Variants in DIPK2A observed in about 807,000 individuals in gnomAD.
DIPK2A encodes the protein Golgi Protein of 49 kDa.
In DIPK2A, 27 loss-of-function variants were observed where a neutral mutation model predicts 39.0. That is an observed-to-expected ratio of 0.69 (90% CI 0.51 to 0.96). The LOEUF (loss-of-function observed/expected upper bound fraction) is 0.96. Ranked by LOEUF, DIPK2A falls within the 40% of genes least tolerant of loss-of-function variation. The probability of loss-of-function intolerance (pLI) is 0.00; values close to 1 mark genes in which losing one functional copy is unlikely to be tolerated. For synonymous variants in DIPK2A, 298 were observed against 240.8 expected, an observed-to-expected ratio of 1.24 and a Z score of -2.20; for missense variants, 528 against 571.3, an observed-to-expected ratio of 0.92 and a Z score of 0.77.
intron 1 of DIPK2A, among the ~76,000 whole-genome samples, chr3:143,975,657 C>T (rs138098435): frequency 6.6e-6 from 1 of 150,540 alleles, no homozygotes; most frequent in East Asian, 1.9e-4. Context: ...TACAGAAAAA[C>T]TCAGATTTGG....
chr3:143,977,817 C>T (rs1228383909), intron 1 of DIPK2A, among the ~76,000 whole-genome samples: 2 of 151,976 alleles, frequency 1.3e-5, no homozygotes, highest in South Asian at 2.1e-4. Context: ...TTTTGGATAC[C>T]TCAAGTCCAA....
At chr3:143,986,722 C>CAAAAAAAAA (rs11293429) in intron 2 of DIPK2A, among the ~76,000 whole-genome samples, 2 of 67,052 alleles carry the variant, frequency 3.0e-5, no homozygotes, top group African/African-American at 7.9e-5. Flanking sequence ...GACTCCGTCT[C>CAAAAAAAAA]AAAAAAAAAA....
At chr3:143,986,481 T>C (rs1192776556) in intron 2 of DIPK2A, among the ~76,000 whole-genome samples, 4 of 152,008 alleles carry the variant, frequency 2.6e-5, no homozygotes, top group African/African-American at 4.8e-5. Flanking sequence ...TCCCAGCACT[T>C]TGGGAGGCCG....
intron 1 of DIPK2A, among the ~76,000 whole-genome samples, chr3:143,983,021 A>G (rs2087847181): frequency 6.6e-6 from 1 of 152,260 alleles, no homozygotes; most frequent in Non-Finnish European, 1.5e-5. Context: ...CAATGCAACA[A>G]GAAGAGCTAA....
intron 1 of DIPK2A, chr3:143,973,607 G>T: frequency 1.4e-6 from 2 of 1,450,872 alleles, no homozygotes; most frequent in Non-Finnish European, 1.9e-6. Flanking sequence ...ATTAGAATCA[G>T]AAACAGGAAA....
At chr3:143,981,605 A>G (rs1305889399) in intron 1 of DIPK2A, among the ~76,000 whole-genome samples, 6 of 152,200 alleles carry the variant, frequency 3.9e-5, no homozygotes. Context: ...GAATGCTCTT[A>G]TGTAATATAT....
chr3:143,988,861 T>G (rs747498948), intron 2 of DIPK2A, among the ~76,000 whole-genome samples: 2 of 152,236 alleles, frequency 1.3e-5, no homozygotes, highest in Non-Finnish European at 2.9e-5. Flanking sequence ...CTTTTCATTC[T>G]GGGCCATCTA....
rs970043192 is a variant in DIPK2A at position 143,990,584 on chromosome 3, G to A, written c.*743G>A. 2.0e-5 allele frequency: 3 copies of A among 152,378 alleles called. No individual in the cohort carries two copies. The highest frequency in any genetic ancestry group is 2.9e-5 in the Non-Finnish European group (2 of 67,972). The allele number at this position is 152,378 out of a possible 1,614,324, so 9.4% of individuals were successfully genotyped here. Reference sequence around the variant, plus strand: ...ATTAGAAGTGTACACTAAACATGAAGTTTGGCATATGTTGCAAAATGTCAT... The same window carrying A: ...ATTAGAAGTGTACACTAAACATGAAATTTGGCATATGTTGCAAAATGTCAT... On this transcript the variant is annotated 3_prime_UTR_variant, in exon 3 of 3. Coordinates refer to ENST00000315691, the MANE Select transcript of DIPK2A (RefSeq NM_173552.5).
chr3:143,976,557 A>T lies in DIPK2A; in HGVS notation c.657+3568A>T, dbSNP rs60208461. 7.9e-3 allele frequency among the ~76,000 whole-genome samples: 700 copies of T among 88,304 alleles called. 5 individuals carry two copies. The highest frequency in any genetic ancestry group is 0.035 in the African/African-American group (335 of 9,478). The allele number at this position is 88,304 out of a possible 152,430, so 57.9% of individuals were successfully genotyped here. On this transcript the variant is annotated intron_variant, in intron 1 of 2. Coordinates refer to ENST00000315691, the MANE Select transcript of DIPK2A (RefSeq NM_173552.5). ...GTGTGTGTGTGTGTGTGTGTGTGTG[A>T]GAGAGAGAGAGAGAGAGAGAGAGAG...
chr3:143,975,811 T>A (rs1280432742), intron 1 of DIPK2A, among the ~76,000 whole-genome samples: 3 of 152,204 alleles, frequency 2.0e-5, no homozygotes, highest in African/African-American at 7.2e-5. Flanking sequence ...AGATTTTTCT[T>A]ATATTGTCCA....
chr3:143,973,637 T>C, intron 1 of DIPK2A: 1 of 1,218,356 alleles, frequency 8.2e-7, no homozygotes, highest in South Asian at 1.3e-5. Flanking sequence ...GCGTTGGACT[T>C]GGGGCTGGGA....
chr3:143,983,525 A>G lies in DIPK2A; in HGVS notation c.658-2018A>G, dbSNP rs1473758638. 2.0e-5 allele frequency among the ~76,000 whole-genome samples: 3 copies of G among 152,228 alleles called. No individual in the cohort carries two copies. In the East Asian group the frequency reaches 5.8e-4, roughly 29 times the overall value. On this transcript the variant is annotated intron_variant, in intron 1 of 2. Coordinates refer to ENST00000315691, the MANE Select transcript of DIPK2A (RefSeq NM_173552.5). ...TGAAACCAATGAGAACAAAGACACA[A>G]CATATCAGAATCTATGGGACACAGC...
intron 1 of DIPK2A, among the ~76,000 whole-genome samples, chr3:143,979,321 G>T (rs778536754): frequency 6.6e-6 from 1 of 152,132 alleles, no homozygotes; most frequent in African/African-American, 2.4e-5. Context: ...TAAGGATTAA[G>T]AAGTAAAAGG....
In DIPK2A at chr3:143,989,593, A is replaced by G. The variant is rs376629729; in HGVS notation, c.1045A>G (p.Ile349Val). 11 of 1,614,106 alleles carry G rather than the reference A, an allele frequency of 6.8e-6. No individual in the cohort carries two copies. The East Asian group carries it at 2.2e-4, about 33-fold the overall frequency. The change falls in exon 3 of 3, where the codon ATT (isoleucine) becomes GTT (valine). Residue 349 changes from isoleucine to valine, a missense_variant. Physicochemically the swap from Ile to Val is conservative, Grantham distance 29 (BLOSUM62 3). This residue lies in a region of DIPK2A where 219 missense variants were observed against 281.5 expected (regional missense o/e 0.78). Transcript: ENST00000315691. ...KEACLSFSKE[I>V]LCARATVDHN... ...GGCTTGCTTATCATTTTCAAAAGAA[A>G]TTCTTTGTGCTCGTGCCACTGTGGA...
intron 1 of DIPK2A, among the ~76,000 whole-genome samples, chr3:143,981,294 G>A (rs897773005): frequency 3.3e-5 from 5 of 152,272 alleles, no homozygotes; most frequent in African/African-American, 9.6e-5. Flanking sequence ...ACATATAGAT[G>A]ATGCTATAAA....
chr3:143,977,325 A>ATTGTTG (rs367900260), intron 1 of DIPK2A, among the ~76,000 whole-genome samples: 3 of 151,600 alleles, frequency 2.0e-5, no homozygotes, highest in Non-Finnish European at 4.4e-5. Flanking sequence ...TTTGGTTTTT[A>ATTGTTG]TTGTTGTTGT....
chr3:143,979,426 T>C (rs2087797275), intron 1 of DIPK2A, among the ~76,000 whole-genome samples: 1 of 152,178 alleles, frequency 6.6e-6, no homozygotes, highest in South Asian at 2.1e-4. Flanking sequence ...ACAGGTTAAG[T>C]CTAGACCTTA....
At chr3:143,987,463 C>T (rs557977055) in intron 2 of DIPK2A, among the ~76,000 whole-genome samples, 2 of 152,270 alleles carry the variant, frequency 1.3e-5, no homozygotes, top group African/African-American at 4.8e-5. Context: ...CTCATGGGTC[C>T]TCTAAATAGT....
Position 143,972,785 on chromosome 3 carries a change from C to T in DIPK2A, c.453C>T (p.Gly151=), listed in dbSNP as rs536679662. Residue 151 remains glycine, a synonymous_variant, in exon 1 of 3, where the codon GGC becomes GGT. Coordinates refer to ENST00000315691, the MANE Select transcript of DIPK2A (RefSeq NM_173552.5). ...GGACCGAGTTCGCGCGCCTCAACGGCGACGTGCGTCTGCTCACGCCCGAGG... is the reference window on the plus strand; with the variant it reads ...GGACCGAGTTCGCGCGCCTCAACGGTGACGTGCGTCTGCTCACGCCCGAGG... ...MPRTEFARLN[G]DVRLLTPEAV... 312 of 1,568,676 alleles carry T rather than the reference C, an allele frequency of 2.0e-4. No homozygotes were observed. The highest frequency in any genetic ancestry group is 2.0e-4 in the African/African-American group (15 of 74,480).
Sources: gnomAD v4.1 joint callset for allele counts (sites outside exome capture counted in the v4.1 genomes callset) on GRCh38, gnomAD v4.1.1 for gene constraint, gnomAD v4.1.1 regional missense constraint, MANE v1.5 for transcripts, NCBI Gene and HGNC (gene_info 2026-07-23, HGNC 2026-07-21) for gene names.